The following RBFOX1 variants were observed in gnomAD, a reference collection of about 807,000 sequenced individuals.
RBFOX1 encodes the protein RNA binding protein fox-1 homolog 1.
RBFOX1 carries 8 observed loss-of-function variants against 57.7 expected under a neutral mutation model. That is an observed-to-expected ratio of 0.14 (90% confidence interval 0.08 to 0.25). RBFOX1 has a LOEUF of 0.25. Ranked by LOEUF, RBFOX1 falls within the 10% of genes least tolerant of loss-of-function variation. The probability of loss-of-function intolerance (pLI) is 1.00; values close to 1 mark genes in which losing one functional copy is unlikely to be tolerated. For synonymous variants in RBFOX1, 326 were observed against 222.4 expected, an observed-to-expected ratio of 1.47 and a Z score of -4.15; for missense variants, 611 against 548.5, an observed-to-expected ratio of 1.11 and a Z score of -1.14.
intron 3 of RBFOX1, among the ~76,000 whole-genome samples, chr16:6,924,956 C>G (rs371991691): frequency 5.3e-5 from 8 of 150,032 alleles, no homozygotes; most frequent in East Asian, 2.0e-4. Context: ...TTTGCCCTTG[C>G]GATAGTTTGC....
intron 1 of RBFOX1, among the ~76,000 whole-genome samples, chr16:6,075,896 C>G (rs2095892069): frequency 1.3e-5 from 2 of 152,180 alleles, no homozygotes; most frequent in Non-Finnish European, 2.9e-5. Flanking sequence ...TGTGCACTGT[C>G]TCATTTAATG....
At chr16:5,700,611 A>G (rs948137009) in intron 3 of RBFOX1, among the ~76,000 whole-genome samples, 6 of 152,206 alleles carry the variant, frequency 3.9e-5, no homozygotes, top group African/African-American at 1.4e-4. Flanking sequence ...TCGCAGAGAA[A>G]CAATGTGTTT....
intron 2 of RBFOX1, among the ~76,000 whole-genome samples, chr16:6,583,601 T>C (rs2097567111): frequency 6.6e-6 from 1 of 152,252 alleles, no homozygotes; most frequent in Non-Finnish European, 1.5e-5. Flanking sequence ...CTGGATTCTA[T>C]CCATTCTCTG....
chr16:5,718,439 G>T (rs535003777), intron 3 of RBFOX1, among the ~76,000 whole-genome samples: 1 of 152,294 alleles, frequency 6.6e-6, no homozygotes, highest in East Asian at 1.9e-4. Context: ...TTGTTATGCA[G>T]GTGTTATTTT....
At chr16:6,640,473 G>C (rs1424460845) in intron 2 of RBFOX1, among the ~76,000 whole-genome samples, 1 of 151,944 alleles carries the variant, frequency 6.6e-6, no homozygotes, top group African/African-American at 2.4e-5. Context: ...GCCAGGCATA[G>C]AGCAGGCACC....
At chr16:7,708,553 A>G (rs1202719484) in intron 14 of RBFOX1, among the ~76,000 whole-genome samples, 1 of 152,202 alleles carries the variant, frequency 6.6e-6, no homozygotes, top group Non-Finnish European at 1.5e-5. Context: ...TTCCATTCAA[A>G]TATACTTGTT....
intron 3 of RBFOX1, among the ~76,000 whole-genome samples, chr16:6,826,575 C>G (rs1375401867): frequency 6.6e-6 from 1 of 152,142 alleles, no homozygotes; most frequent in Non-Finnish European, 1.5e-5. Context: ...CGTGCTCTCA[C>G]GTGCTCTATT....
At chr16:6,034,345 A>AAG (rs2095333875) in intron 1 of RBFOX1, among the ~76,000 whole-genome samples, 1 of 149,994 alleles carries the variant, frequency 6.7e-6, no homozygotes, top group Admixed American at 6.7e-5. Flanking sequence ...AAAAAAAAAA[A>AAG]AAAAAAAAAA....
intron 2 of RBFOX1, among the ~76,000 whole-genome samples, chr16:6,450,075 C>G (rs547432324): frequency 6.6e-6 from 1 of 152,204 alleles, no homozygotes; most frequent in South Asian, 2.1e-4. Flanking sequence ...ACAGGCATGC[C>G]TTTTGTGCCT....
At chr16:5,906,324 G>A (rs373048237) in intron 4 of RBFOX1, among the ~76,000 whole-genome samples, 4 of 152,184 alleles carry the variant, frequency 2.6e-5, no homozygotes, top group African/African-American at 7.2e-5. Context: ...ACACAAACAC[G>A]CACGTGGGGA....
intron 4 of RBFOX1, among the ~76,000 whole-genome samples, chr16:7,318,654 AG>A (rs2096488709): frequency 1.3e-5 from 2 of 152,222 alleles, no homozygotes; most frequent in African/African-American, 4.8e-5. Context: ...TGTTAAATAA[AG>A]TGTCAGTGCA....
intron 3 of RBFOX1, among the ~76,000 whole-genome samples, chr16:6,981,688 C>G (rs558785624): frequency 1.3e-5 from 2 of 152,250 alleles, no homozygotes; most frequent in South Asian, 2.1e-4. Flanking sequence ...TTTTATAAAA[C>G]CATCTTGTCA....
intron 1 of RBFOX1, among the ~76,000 whole-genome samples, chr16:5,416,613 T>C (rs7186470): frequency 0.46 from 69,858 of 152,040 alleles, 18,062 homozygotes; most frequent in East Asian, 0.63. Context: ...CTCACTGCAT[T>C]TTCTTCTGAA....
intron 1 of RBFOX1, among the ~76,000 whole-genome samples, chr16:5,403,119 G>A (rs2066761060): frequency 6.6e-6 from 1 of 152,024 alleles, no homozygotes; most frequent in South Asian, 2.1e-4. Context: ...TGGGGGCCCA[G>A]GCAGGCGGAT....
At chr16:5,751,347 ATCTT>A (rs140113108) in intron 3 of RBFOX1, among the ~76,000 whole-genome samples, 26,333 of 151,830 alleles carry the variant, frequency 0.17, 2,524 homozygotes, top group African/African-American at 0.25. Flanking sequence ...TGCATCCCTT[ATCTT>A]TCTTTTTCTC....
Position 6,728,790 on chromosome 16 carries a change from T to C in RBFOX1, c.-16+74140T>C, listed in dbSNP as rs144523664. On this transcript the variant is annotated intron_variant, in intron 3 of 15. Coordinates refer to ENST00000550418, the MANE Select transcript of RBFOX1 (RefSeq NM_018723.4). ...TCAAAGCCATTAAACTAATTGTAGGTCATTATGTGAAATTTATCTGCATAA... is the reference window on the plus strand; with the variant it reads ...TCAAAGCCATTAAACTAATTGTAGGCCATTATGTGAAATTTATCTGCATAA... Among the ~76,000 whole-genome samples, 33 of 152,290 alleles carry C rather than the reference T, an allele frequency of 2.2e-4. No individual in the cohort carries two copies. In the East Asian group the frequency reaches 6.0e-3, roughly 28 times the overall value.
intron 3 of RBFOX1, among the ~76,000 whole-genome samples, chr16:5,836,619 C>G (rs530597661): frequency 6.6e-6 from 1 of 152,210 alleles, no homozygotes; most frequent in Admixed American, 6.5e-5. Flanking sequence ...CACCCTGTCC[C>G]AGGATTTCTC....
chr16:6,215,389 A>G (rs2097329551), intron 1 of RBFOX1, among the ~76,000 whole-genome samples: 1 of 138,396 alleles, frequency 7.2e-6, no homozygotes, highest in Non-Finnish European at 1.6e-5. Context: ...AGCAGGAGAG[A>G]CAGAAGAAAA....
At chr16:5,850,741 A>T (rs769270128) in intron 3 of RBFOX1, among the ~76,000 whole-genome samples, 1 of 152,202 alleles carries the variant, frequency 6.6e-6, no homozygotes, top group Non-Finnish European at 1.5e-5. Flanking sequence ...ACAGAGGTGA[A>T]AGAACCCACA....
Sources: allele counts gnomAD v4.1 joint callset (sites outside exome capture counted in the v4.1 genomes callset), GRCh38; gene constraint gnomAD v4.1.1; transcripts MANE v1.5; gene names NCBI Gene and HGNC (gene_info 2026-07-23, HGNC 2026-07-21).